The following CCDC40 variants were observed in gnomAD, a reference collection of about 807,000 sequenced individuals.
CCDC40 encodes the protein coiled-coil domain 40 molecular ruler complex subunit.
A neutral mutation model predicts 124.5 loss-of-function variants in CCDC40; 104 were observed. That is an observed-to-expected ratio of 0.84 (90% CI 0.71 to 0.98). The LOEUF (loss-of-function observed/expected upper bound fraction) is 0.98, where lower values mean the gene tolerates loss of function less well. Ranked by LOEUF, CCDC40 falls within the 50% of genes least tolerant of loss-of-function variation. The pLI, the probability that CCDC40 is intolerant of heterozygous loss-of-function variation, is 0.00. For synonymous variants in CCDC40, 580 were observed against 602.9 expected, an observed-to-expected ratio of 0.96 and a Z score of 0.56; for missense variants, 1,463 against 1,503.9, an observed-to-expected ratio of 0.97 and a Z score of 0.45.
chr17:80,073,483 G>A (rs1243798387), intron 10 of CCDC40, among the ~76,000 whole-genome samples: 1 of 152,120 alleles, frequency 6.6e-6, no homozygotes, highest in Non-Finnish European at 1.5e-5. Context: ...TATTGTAATT[G>A]GTTTTTGGCA....
chr17:80,037,688 A>ATATATATATATATATAT lies in CCDC40; in HGVS notation c.30-435_30-434insTATATATATATATATAT, dbSNP rs1555889124. On this transcript the variant is annotated intron_variant, in intron 1 of 19. Coordinates refer to ENST00000397545, the MANE Select transcript of CCDC40 (RefSeq NM_017950.4). ...AGCTTGAATCTTTAATTTTTTAAAA[A>ATATATATATATATATAT]AGATATACATATATATATATATATA... Among the ~76,000 whole-genome samples, 137 of 45,674 alleles carry ATATATATATATATATAT rather than the reference A, an allele frequency of 3.0e-3. 6 individuals carry two copies. Among genetic ancestry groups the ATATATATATATATATAT allele is most frequent in the Middle Eastern group, 0.016 (1 of 62 alleles). 30.0% of individuals were successfully genotyped at this position (45,674 alleles called of 152,430 possible).
chr17:80,085,948 G>A (rs2038577545), intron 13 of CCDC40, 55 bp from the exon 14 acceptor site: 1 of 1,508,656 alleles, frequency 6.6e-7, no homozygotes, highest in Non-Finnish European at 9.2e-7. Context: ...GGAATTACAG[G>A]CGTGAGTCAC....
chr17:80,050,298 C>T lies in CCDC40; in HGVS notation c.1159+15C>T, dbSNP rs1168164935. 4 of 1,544,216 alleles carry T rather than the reference C, an allele frequency of 2.6e-6. No individual in the cohort carries two copies. The highest frequency in any genetic ancestry group is 3.5e-6 in the Non-Finnish European group (4 of 1,142,206). On this transcript the variant is annotated intron_variant, in intron 7 of 19. Transcript: ENST00000397545. ...GCGCAAAAAGTGTAAGGCAACCCGGCAGCCCCACACGCCATCCGGTCCTGG... is the reference window on the plus strand; with the variant it reads ...GCGCAAAAAGTGTAAGGCAACCCGGTAGCCCCACACGCCATCCGGTCCTGG...
chr17:80,054,737 G>T (rs2037693528), intron 7 of CCDC40, among the ~76,000 whole-genome samples: 1 of 152,236 alleles, frequency 6.6e-6, no homozygotes, highest in Non-Finnish European at 1.5e-5. Context: ...ACTTTGGGAG[G>T]CCGAGGCGGG....
intron 3 of CCDC40, among the ~76,000 whole-genome samples, chr17:80,045,493 C>T (rs2037398412): frequency 6.6e-6 from 1 of 152,122 alleles, no homozygotes; most frequent in South Asian, 2.1e-4. Flanking sequence ...CACTTGAGGT[C>T]AGGAGTTCGA....
At position 80,087,420 on chromosome 17, in the gene CCDC40, T is replaced by G. The variant is rs1181979559; in HGVS notation, c.2450-187T>G. 3 of 67,358 alleles carry G rather than the reference T, an allele frequency of 4.5e-5. No homozygotes were observed. The highest frequency in any genetic ancestry group is 1.9e-4 in the Admixed American group (2 of 10,522). 4.2% of individuals were successfully genotyped at this position (67,358 alleles called of 1,614,324 possible). A position where few individuals can be genotyped will look rare whatever the true frequency, so the allele number is the denominator to read the frequency against. On this transcript the variant is annotated intron_variant, in intron 14 of 19. Coordinates refer to ENST00000397545, the MANE Select transcript of CCDC40 (RefSeq NM_017950.4). This position sits in a 1 kb window ranked among gnomAD's most constrained non-coding sequence, Gnocchi z 4.5. ...TTAGCAGCCAAAAAGAGACCCCCTGTCCTCTCCTCTCCTCTGTCCTGGCAG... is the reference window on the plus strand; with the variant it reads ...TTAGCAGCCAAAAAGAGACCCCCTGGCCTCTCCTCTCCTCTGTCCTGGCAG...
intron 17 of CCDC40, among the ~76,000 whole-genome samples, chr17:80,092,645 C>G (rs1163826161): frequency 1.3e-5 from 2 of 152,174 alleles, no homozygotes; most frequent in Non-Finnish European, 2.9e-5. Context: ...GGGTTTCGCT[C>G]TGTCACCCGG....
At position 80,089,760 on chromosome 17, in the gene CCDC40, A is replaced by G. The variant is rs1198351278; in HGVS notation, c.2712-4A>G. On this transcript the variant is annotated splice_polypyrimidine_tract_variant and splice_region_variant and intron_variant, in intron 16 of 19. Transcript: ENST00000397545. ...TTCTTACACTGCCTCTCCTACCTCTAAAGACACCAGATTATGCTTTGGGAG... is the reference window on the plus strand; with the variant it reads ...TTCTTACACTGCCTCTCCTACCTCTGAAGACACCAGATTATGCTTTGGGAG... The G allele has an allele frequency of 3.1e-6, 5 of 1,614,216 alleles. No individual in the cohort carries two copies. The South Asian group carries it at 5.5e-5, about 18-fold the overall frequency.
At position 80,050,049 on chromosome 17, in the gene CCDC40, C is replaced by G; in HGVS notation, c.940-15C>G. 1.2e-6 allele frequency: 2 copies of G among 1,613,998 alleles called. No individual in the cohort carries two copies. Among genetic ancestry groups the G allele is most frequent in the South Asian group, 1.1e-5 (1 of 91,074 alleles). On this transcript the variant is annotated splice_polypyrimidine_tract_variant and intron_variant, in intron 6 of 19. Transcript: ENST00000397545. ...TGCCTGCGTCCTGGTGACCCTGTTT[C>G]TCTCTTTGGTCCAGGTTGTGGCTAC...
rs750587341 is a variant in CCDC40, at chr17:80,058,917, G to C, written c.1377G>C (p.Leu459=). ...RAQQLEEDIA[L]FEAQYLAQAE... Reference sequence around the variant, plus strand: ...AGCAACTGGAAGAAGACATTGCCCTGTTTGAGGCTCAGTACTTGGCCCAAG... The same window carrying C: ...AGCAACTGGAAGAAGACATTGCCCTCTTTGAGGCTCAGTACTTGGCCCAAG... Residue 459 remains leucine, a synonymous_variant, in exon 9 of 20, where the codon CTG becomes CTC. Transcript: ENST00000397545. The surrounding 1 kb of genome is among the most constrained non-coding windows in gnomAD (Gnocchi z 4.2). 2 of 1,614,184 alleles carry C rather than the reference G, an allele frequency of 1.2e-6. No individual in the cohort carries two copies. Among genetic ancestry groups the C allele is most frequent in the South Asian group, 1.1e-5 (1 of 91,082 alleles).
intron 3 of CCDC40, among the ~76,000 whole-genome samples, chr17:80,044,649 C>T (rs2143593963): frequency 6.6e-6 from 1 of 150,848 alleles, no homozygotes; most frequent in South Asian, 2.1e-4. Flanking sequence ...TGCCACTGCA[C>T]TCCAGCCTGG....
intron 5 of CCDC40, among the ~76,000 whole-genome samples, chr17:80,049,264 G>A (rs2037514943): frequency 6.6e-6 from 1 of 151,858 alleles, no homozygotes. Context: ...AATTAGCTGG[G>A]CATGGTGGTG....
chr17:80,097,992 A>G (rs115958835), intron 19 of CCDC40: 265 of 167,902 alleles, frequency 1.6e-3, no homozygotes, highest in African/African-American at 6.1e-3. Context: ...AATGCTTTGA[A>G]GGAAGATAAA....
chr17:80,099,472 A>T, intron 19 of CCDC40, 55 bp from the exon 20 acceptor site: 2 of 1,589,570 alleles, frequency 1.3e-6, no homozygotes, highest in Non-Finnish European at 8.5e-7. Context: ...GGGGGCCAGC[A>T]GGTGTCTTTC....
At chr17:80,094,413 A>G (rs1007392291) in intron 17 of CCDC40, among the ~76,000 whole-genome samples, 2 of 151,330 alleles carry the variant, frequency 1.3e-5, no homozygotes, top group Admixed American at 6.6e-5. Context: ...CTGTGTCTCA[A>G]AAAATTTTTT....
chr17:80,069,615 G>A (rs554183951), intron 10 of CCDC40, among the ~76,000 whole-genome samples: 28 of 152,148 alleles, frequency 1.8e-4, no homozygotes, highest in Non-Finnish European at 3.8e-4. Context: ...GCCAGACCTG[G>A]TGGCGGGCAC....
At chr17:80,094,769 GACATAGAACCTTTCTA>G (rs2038777930) in intron 17 of CCDC40, among the ~76,000 whole-genome samples, 1 of 152,086 alleles carries the variant, frequency 6.6e-6, no homozygotes, top group Non-Finnish European at 1.5e-5. Flanking sequence ...ACGCCATCAA[GACATAGAACCTTTCTA>G]TGACTCCAGA....
At chr17:80,082,277 G>A (rs1270185675) in intron 12 of CCDC40, among the ~76,000 whole-genome samples, 3 of 5,016 alleles carry the variant, frequency 6.0e-4, no homozygotes, top group Non-Finnish European at 9.3e-4. Context: ...CCAGCTGCCA[G>A]CCAAAGGCTG....
Position 80,047,583 on chromosome 17 carries a change from T to A in CCDC40, c.676+181T>A. ...TTTATTGGGCATTTACTGTTTTATC[T>A]CATTTAATCCTAACAGTGACCGATG... On this transcript the variant is annotated intron_variant, in intron 4 of 19. Transcript: ENST00000397545. 8 of 660,120 alleles carry A rather than the reference T, an allele frequency of 1.2e-5. No individual in the cohort carries two copies. In the South Asian group the frequency reaches 1.4e-4, roughly 12 times the overall value. 40.9% of individuals were successfully genotyped at this position (660,120 alleles called of 1,614,324 possible).
Sources: allele counts gnomAD v4.1 joint callset (sites outside exome capture counted in the v4.1 genomes callset), GRCh38; gene constraint gnomAD v4.1.1; non-coding constraint Gnocchi (gnomAD v3.1); transcripts MANE v1.5; gene names NCBI Gene and HGNC (gene_info 2026-07-23, HGNC 2026-07-21).